The following RBM19 variants were observed in gnomAD, a reference collection of about 807,000 sequenced individuals.
RBM19 encodes the protein RNA binding motif protein 19, also known as probable RNA-binding protein 19.
A neutral mutation model predicts 116.8 loss-of-function variants in RBM19; 94 were observed. The observed-to-expected ratio is 0.80, with a 90% CI of 0.68 to 0.95. The LOEUF is 0.95. Ranked by LOEUF, RBM19 falls within the 40% of genes least tolerant of loss-of-function variation. The pLI, the probability that RBM19 is intolerant of heterozygous loss-of-function variation, is 0.00. For synonymous variants in RBM19, 475 were observed against 494.1 expected, an observed-to-expected ratio of 0.96 and a Z score of 0.51; for missense variants, 1,161 against 1,220.7, an observed-to-expected ratio of 0.95 and a Z score of 0.73.
chr12:113,818,735 G>C (rs1428687642), downstream of RBM19, among the ~76,000 whole-genome samples: 1 of 152,188 alleles, frequency 6.6e-6, no homozygotes, highest in East Asian at 1.9e-4. Flanking sequence ...TGAGAGCCTA[G>C]AGATTCTAAC....
intron 21 of RBM19, among the ~76,000 whole-genome samples, chr12:113,890,257 C>G (rs1169923782): frequency 2.0e-5 from 3 of 152,236 alleles, no homozygotes; most frequent in East Asian, 3.9e-4. Flanking sequence ...CTGAGCCAGG[C>G]TGGCTCTGGG....
chr12:113,855,016 G>A (rs1877781451), intron 22 of RBM19, among the ~76,000 whole-genome samples: 1 of 152,258 alleles, frequency 6.6e-6, no homozygotes, highest in African/African-American at 2.4e-5. Flanking sequence ...CCTCTGGCTA[G>A]GATTCTCTTT....
intron 9 of RBM19, 92 bp downstream of exon 9, chr12:113,949,990 TG>T: frequency 8.9e-7 from 1 of 1,122,956 alleles, no homozygotes; most frequent in Non-Finnish European, 1.3e-6. Context: ...TTCTTGGTGG[TG>T]GTGATGGTGC....
intron 21 of RBM19, among the ~76,000 whole-genome samples, chr12:113,861,487 T>C (rs1259568743): frequency 2.1e-5 from 3 of 146,330 alleles, no homozygotes; most frequent in Non-Finnish European, 3.0e-5. Context: ...TGTGTGTGTG[T>C]GTGTGTGTGT....
intron 5 of RBM19, 34 bp downstream of exon 5, chr12:113,959,178 G>A (rs754922384): frequency 4.1e-5 from 65 of 1,586,430 alleles, no homozygotes; most frequent in Middle Eastern, 2.3e-4. Flanking sequence ...GCACAGGTCC[G>A]TGCGCATGGA....
Position 113,822,094 on chromosome 12 carries a change from C to G in RBM19, c.*1130G>C, listed in dbSNP as rs1208907026. The stretch of plus-strand genomic sequence containing the variant: ...TCTCTGGGCTTTACTTGGCTTGACT[C>G]ACTTAATTCTGGCACTGTCTATCTG... On this transcript the variant is annotated 3_prime_UTR_variant, in exon 24 of 24. Transcript: ENST00000261741. The G allele has an allele frequency of 6.6e-6, 1 of 152,254 alleles. No individual in the cohort carries two copies. Among genetic ancestry groups the G allele is most frequent in the Non-Finnish European group, 1.5e-5 (1 of 68,048 alleles). The allele number at this position is 152,254 out of a possible 1,614,324, so 9.4% of individuals were successfully genotyped here.
intron 21 of RBM19, among the ~76,000 whole-genome samples, chr12:113,863,156 G>A (rs952791716): frequency 2.6e-5 from 4 of 152,070 alleles, no homozygotes; most frequent in Non-Finnish European, 4.4e-5. Context: ...TAAACAAGTC[G>A]GGGGATGGAA....
chr12:113,923,997 C>T (rs975989259), intron 18 of RBM19, among the ~76,000 whole-genome samples: 3 of 152,354 alleles, frequency 2.0e-5, no homozygotes, highest in African/African-American at 7.2e-5. Context: ...TTTGGGCTGA[C>T]ACATGTAGCA....
rs759464690 is a variant in RBM19, at chr12:113,959,349, T to C, written c.434A>G (p.Gln145Arg). Residue 145 changes from glutamine to arginine, a missense_variant, in exon 5 of 24, where the codon CAG becomes CGG. Coordinates refer to ENST00000261741, the MANE Select transcript of RBM19 (RefSeq NM_016196.4). ...GCCATCATTCGCCCAAGTGGCTGCC[T>C]GCGCCCGCCTCTGATGAACTGACAG... ...EFLSVHQRRAQAATWANDGLD... is the reference protein window; with the variant it reads ...EFLSVHQRRARAATWANDGLD... 1 of 1,613,276 alleles carries C rather than the reference T, an allele frequency of 6.2e-7. No homozygotes were observed. Among genetic ancestry groups the C allele is most frequent in the African/African-American group, 1.3e-5 (1 of 75,062 alleles).
At chr12:113,952,977 G>T (rs1380005) in intron 7 of RBM19, among the ~76,000 whole-genome samples, 24,964 of 152,018 alleles carry the variant, frequency 0.16, 2,795 homozygotes, top group African/African-American at 0.32. Context: ...TAGTGGTTTT[G>T]GTTTTGTTAA....
In RBM19 at chr12:113,835,476, G is replaced by A. The variant is rs118143863; in HGVS notation, c.2785+9192C>T. The stretch of plus-strand genomic sequence containing the variant: ...GGGAGGGGCATGACAAGGGAATCAC[G>A]AAAAGGAGAGGTGTGGGGGAAAAGC... On this transcript the variant is annotated intron_variant, in intron 23 of 23. Transcript: ENST00000261741. 8.9e-3 allele frequency among the ~76,000 whole-genome samples: 1,348 copies of A among 152,276 alleles called. 9 individuals are homozygous for A. The highest frequency in any genetic ancestry group is 0.015 in the Non-Finnish European group (1,024 of 68,020).
chr12:113,899,433 C>T (rs1387837096), intron 21 of RBM19, among the ~76,000 whole-genome samples: 1 of 152,230 alleles, frequency 6.6e-6, no homozygotes, highest in African/African-American at 2.4e-5. Flanking sequence ...TTAATCCTGC[C>T]ATTTTACAGA....
At position 113,863,238 on chromosome 12, in the gene RBM19, G is replaced by GT. The variant is rs1878544948; in HGVS notation, c.2559-4343_2559-4342insA. Among the ~76,000 whole-genome samples the GT allele has an allele frequency of 6.7e-5, 9 of 133,464 alleles. No homozygotes were observed. In the Admixed American group the frequency reaches 6.9e-4, roughly 10 times the overall value. The allele number at this position is 133,464 out of a possible 152,430, so 87.6% of individuals were successfully genotyped here. A position where few individuals can be genotyped will look rare whatever the true frequency, so the allele number is the denominator to read the frequency against. On this transcript the variant is annotated intron_variant, in intron 21 of 23. Transcript: ENST00000261741. ...GTGTGTGTGTGTGTGTGTGTGTGTG[G>GT]GGCCAGCGTATGGGTGGGTGGGGAT... is the stretch of plus-strand genomic sequence containing the variant.
chr12:113,962,323 T>C lies in RBM19; in HGVS notation c.128A>G (p.Lys43Arg), dbSNP rs1215429853. 2 of 1,614,222 alleles carry C rather than the reference T, an allele frequency of 1.2e-6. No individual in the cohort carries two copies. Among genetic ancestry groups the C allele is most frequent in the East Asian group, 4.5e-5 (2 of 44,878 alleles). Reference sequence around the variant, plus strand: ...GGACTTGAAGCCAATAAAACCAAACTTGCGGAACTTGCCATCTTTGGTGAA... The same window carrying C: ...GGACTTGAAGCCAATAAAACCAAACCTGCGGAACTTGCCATCTTTGGTGAA... ...LKFTKDGKFR[K>R]FGFIGFKSEE... Residue 43 changes from lysine to arginine, a missense_variant, in exon 2 of 24, where the codon AAG becomes AGG. Lys to Arg is a conservative substitution (Grantham distance 26, BLOSUM62 2). Coordinates refer to ENST00000261741, the MANE Select transcript of RBM19 (RefSeq NM_016196.4).
chr12:113,926,679 A>G (rs1280015273), intron 17 of RBM19, among the ~76,000 whole-genome samples: 1 of 152,170 alleles, frequency 6.6e-6, no homozygotes, highest in Non-Finnish European at 1.5e-5. Context: ...CCAGACCCTC[A>G]CTCACTGATG....
At chr12:113,907,736 G>A (rs563740968) in intron 21 of RBM19, among the ~76,000 whole-genome samples, 10 of 152,200 alleles carry the variant, frequency 6.6e-5, no homozygotes, top group Admixed American at 2.0e-4. Flanking sequence ...CTGTGAGGAC[G>A]TGCCAAATCC....
At chr12:113,829,863 G>A (rs1413235928) in intron 23 of RBM19, among the ~76,000 whole-genome samples, 1 of 152,218 alleles carries the variant, frequency 6.6e-6, no homozygotes, top group Non-Finnish European at 1.5e-5. Flanking sequence ...GACAGGCAGT[G>A]CCCAGCAAAG....
At chr12:113,962,439 A>G in intron 1 of RBM19, 25 bp from the exon 2 acceptor site, 1 of 1,602,296 alleles carries the variant, frequency 6.2e-7, no homozygotes. Context: ...AAGGAATGAG[A>G]GACGAACTGG....
chr12:113,935,156 G>A (rs1439922572), intron 16 of RBM19, among the ~76,000 whole-genome samples: 1 of 152,216 alleles, frequency 6.6e-6, no homozygotes, highest in African/African-American at 2.4e-5. Flanking sequence ...GAAGAGCCTG[G>A]TGGAAGCGGT....
Sources: allele counts gnomAD v4.1 joint callset (sites outside exome capture counted in the v4.1 genomes callset), GRCh38; gene constraint gnomAD v4.1.1; transcripts MANE v1.5; gene names NCBI Gene and HGNC (gene_info 2026-07-23, HGNC 2026-07-21).